The following PPARGC1A variants were observed in gnomAD, a reference collection of about 807,000 sequenced individuals.
PPARGC1A encodes peroxisome proliferator-activated receptor gamma coactivator 1-alpha.
Under a neutral mutation model 88.7 loss-of-function variants are expected in PPARGC1A, and 25 were observed. That is an observed-to-expected ratio of 0.28 (90% CI 0.21 to 0.39). The LOEUF (loss-of-function observed/expected upper bound fraction) is 0.39, where lower values mean the gene tolerates loss of function less well. PPARGC1A is among the 10% of genes least tolerant of loss of function. PPARGC1A has a pLI of 1.00. For synonymous variants in PPARGC1A, 363 were observed against 355.6 expected (o/e 1.02, Z -0.24); for missense variants, 880 against 968.7 (o/e 0.91, Z 1.22).
At chr4:24,325,021 C>T in the PPARGC1A span, among the ~76,000 whole-genome samples, 29 of 152,318 alleles carry the variant, frequency 1.9e-4, no homozygotes, top group Non-Finnish European at 4.0e-4. Context: ...AGCCCTCCCC[C>T]ACCTGCCCAG....
chr4:23,796,296 A>G (rs1232423028), intron 12 of PPARGC1A, among the ~76,000 whole-genome samples: 2 of 152,236 alleles, frequency 1.3e-5, no homozygotes, highest in East Asian at 3.9e-4. Flanking sequence ...TTCCTATTCA[A>G]TGGGATTAAT....
chr4:24,225,358 A>G, the PPARGC1A span, among the ~76,000 whole-genome samples: 2 of 152,174 alleles, frequency 1.3e-5, no homozygotes, highest in African/African-American at 2.4e-5. Context: ...TCACGAGGTC[A>G]GGAAATTGAG....
the PPARGC1A span, among the ~76,000 whole-genome samples, chr4:24,470,528 G>A: frequency 9.9e-5 from 15 of 152,204 alleles, no homozygotes; most frequent in African/African-American, 3.4e-4. This position sits in a 1 kb window ranked among gnomAD's most constrained non-coding sequence, Gnocchi z 5.8. Flanking sequence ...GGCCCCGATC[G>A]TGCTTCTCCA....
the PPARGC1A span, among the ~76,000 whole-genome samples, chr4:24,331,792 GT>G: frequency 7.3e-6 from 1 of 137,620 alleles, no homozygotes; most frequent in Non-Finnish European, 1.6e-5. Flanking sequence ...TATATTTTAA[GT>G]TCTGGGATAC....
the PPARGC1A span, among the ~76,000 whole-genome samples, chr4:24,471,295 C>T: frequency 5.3e-5 from 8 of 152,096 alleles, no homozygotes; most frequent in East Asian, 1.4e-3. The surrounding 1 kb of genome is among the most constrained non-coding windows in gnomAD (Gnocchi z 5.4). Flanking sequence ...CTTTCCCCAG[C>T]CCAGACACGC....
At chr4:24,054,536 G>C in the PPARGC1A span, among the ~76,000 whole-genome samples, 1 of 152,182 alleles carries the variant, frequency 6.6e-6, no homozygotes, top group African/African-American at 2.4e-5. Flanking sequence ...CCTGGAATAA[G>C]TTACATTGTA....
chr4:23,813,294 A>G (rs970886260), intron 8 of PPARGC1A, among the ~76,000 whole-genome samples, 169 bp from the exon 9 acceptor site: 5 of 152,120 alleles, frequency 3.3e-5, no homozygotes, highest in Admixed American at 1.3e-4. Flanking sequence ...GTCAACTTAG[A>G]GGGCTGGGAG....
chr4:24,140,144 G>A, the PPARGC1A span, among the ~76,000 whole-genome samples: 2 of 152,124 alleles, frequency 1.3e-5, no homozygotes, highest in African/African-American at 2.4e-5. Flanking sequence ...TGTGTGAAAC[G>A]CTAGGCCACA....
the PPARGC1A span, among the ~76,000 whole-genome samples, chr4:23,966,949 G>A: frequency 6.6e-6 from 1 of 152,106 alleles, no homozygotes; most frequent in Non-Finnish European, 1.5e-5. Context: ...ATCTCCCAAA[G>A]CATTTCTTCA....
intron 10 of PPARGC1A, among the ~76,000 whole-genome samples, chr4:23,807,397 G>A (rs538421848): frequency 3.9e-5 from 6 of 152,190 alleles, no homozygotes; most frequent in East Asian, 3.9e-4. Flanking sequence ...CCCCATTCAC[G>A]TACCGTGTGC....
the PPARGC1A span, among the ~76,000 whole-genome samples, chr4:23,956,394 C>A: frequency 1.3e-5 from 2 of 152,126 alleles, no homozygotes; most frequent in Admixed American, 1.3e-4. Flanking sequence ...AAGCTCTGCA[C>A]TCTAATGATA....
At chr4:24,002,068 T>TCACA in the PPARGC1A span, among the ~76,000 whole-genome samples, 3,916 of 122,602 alleles carry the variant, frequency 0.032, 62 homozygotes, top group Middle Eastern at 0.057. Flanking sequence ...GATGATAAAT[T>TCACA]CACACACACA....
chr4:24,018,499 G>C, the PPARGC1A span, among the ~76,000 whole-genome samples: 1 of 152,008 alleles, frequency 6.6e-6, no homozygotes, highest in Admixed American at 6.6e-5. Context: ...GGTGATGAGG[G>C]GGGGCAAACC....
chr4:24,130,979 C>T, the PPARGC1A span, among the ~76,000 whole-genome samples: 14 of 152,208 alleles, frequency 9.2e-5, no homozygotes, highest in East Asian at 1.2e-3. Context: ...TTCTCCCACC[C>T]GCTTCCTGCA....
At chr4:24,435,180 C>G in the PPARGC1A span, among the ~76,000 whole-genome samples, 1 of 152,172 alleles carries the variant, frequency 6.6e-6, no homozygotes, top group Admixed American at 6.6e-5. Flanking sequence ...ACTTCAGTTC[C>G]TGCCTTTGAA....
chr4:23,927,348 T>C, the PPARGC1A span, among the ~76,000 whole-genome samples: 5 of 152,172 alleles, frequency 3.3e-5, no homozygotes, highest in Non-Finnish European at 4.4e-5. Flanking sequence ...ATATCCTACA[T>C]GTAGATATTT....
chr4:24,104,868 T>C, the PPARGC1A span, among the ~76,000 whole-genome samples: 1 of 152,194 alleles, frequency 6.6e-6, no homozygotes, highest in East Asian at 1.9e-4. Flanking sequence ...AAATGTAGCC[T>C]CTTTCAAATA....
intron 12 of PPARGC1A, among the ~76,000 whole-genome samples, chr4:23,796,379 G>T (rs1251560567): frequency 1.3e-5 from 2 of 152,180 alleles, no homozygotes; most frequent in South Asian, 2.1e-4. Context: ...TCAACCTGAT[G>T]CTTCTCTTTG....
chr4:24,145,170 A>G, the PPARGC1A span, among the ~76,000 whole-genome samples: 2 of 151,902 alleles, frequency 1.3e-5, no homozygotes, highest in African/African-American at 4.8e-5. Flanking sequence ...ACATGTATTT[A>G]CATATTTCAT....
Sources: allele counts gnomAD v4.1 joint callset (sites outside exome capture counted in the v4.1 genomes callset), GRCh38; gene constraint gnomAD v4.1.1; non-coding constraint Gnocchi (gnomAD v3.1); transcripts MANE v1.5; gene names NCBI Gene and HGNC (gene_info 2026-07-23, HGNC 2026-07-21).